The following DPP6 variants were observed in gnomAD, a reference collection of about 807,000 sequenced individuals.
DPP6 encodes the protein dipeptidyl peptidase like 6.
In DPP6, 69 loss-of-function variants were observed where a neutral mutation model predicts 122.6. That is an observed-to-expected ratio of 0.56 (90% confidence interval 0.46 to 0.69). DPP6 has a LOEUF of 0.69. Among genes scored for constraint, DPP6 ranks in the 30% least tolerant of loss-of-function variants. The probability of loss-of-function intolerance (pLI) is 0.00; values close to 1 mark genes in which losing one functional copy is unlikely to be tolerated. For missense variants in DPP6, 928 were observed against 1,116.9 expected, an observed-to-expected ratio of 0.83 and a Z score of 2.41; for synonymous variants, 418 against 433.1, an observed-to-expected ratio of 0.97 and a Z score of 0.43.
upstream of DPP6, among the ~76,000 whole-genome samples, chr7:153,885,684 G>C (rs1194067933): frequency 2.0e-5 from 3 of 152,090 alleles, no homozygotes; most frequent in East Asian, 5.8e-4. Context: ...CAACAGAGAA[G>C]AGTGCTTCTA....
At chr7:154,636,857 T>C (rs1182257138) in intron 5 of DPP6, among the ~76,000 whole-genome samples, 3 of 152,224 alleles carry the variant, frequency 2.0e-5, no homozygotes, top group Non-Finnish European at 4.4e-5. Flanking sequence ...TGCCTTTGCC[T>C]CCACGTCCCT....
At chr7:154,316,224 A>G (rs1216296597) in intron 1 of DPP6, among the ~76,000 whole-genome samples, 1 of 151,692 alleles carries the variant, frequency 6.6e-6, no homozygotes, top group Non-Finnish European at 1.5e-5. Context: ...CTTTCCCAAC[A>G]CTCCACCCTC....
At chr7:154,325,184 A>G (rs1011600291) in intron 1 of DPP6, among the ~76,000 whole-genome samples, 1 of 152,058 alleles carries the variant, frequency 6.6e-6, no homozygotes, top group Non-Finnish European at 1.5e-5. Flanking sequence ...TCCATTTTCT[A>G]TAGGAAATGA....
the DPP6 span, among the ~76,000 whole-genome samples, chr7:153,867,126 A>G: frequency 6.6e-6 from 1 of 152,138 alleles, no homozygotes; most frequent in Non-Finnish European, 1.5e-5. Flanking sequence ...TTGACTTGGC[A>G]ATGCGGGCTC....
chr7:154,660,414 A>G (rs74517532), intron 6 of DPP6, among the ~76,000 whole-genome samples: 6 of 142,790 alleles, frequency 4.2e-5, no homozygotes, highest in East Asian at 2.1e-4. Flanking sequence ...TAGTGTTCAT[A>G]TAGTCATGGT....
intron 1 of DPP6, among the ~76,000 whole-genome samples, chr7:154,150,231 T>C (rs1006349685): frequency 3.3e-5 from 5 of 152,184 alleles, no homozygotes; most frequent in African/African-American, 1.2e-4. Flanking sequence ...AAACAGGAAA[T>C]AAACAGAACT....
chr7:153,857,135 T>G, the DPP6 span, among the ~76,000 whole-genome samples: 1 of 152,164 alleles, frequency 6.6e-6, no homozygotes, highest in Admixed American at 6.5e-5. Flanking sequence ...CCTTTACAAG[T>G]GGAAATAACT....
intron 3 of DPP6, among the ~76,000 whole-genome samples, chr7:154,497,321 G>C (rs1824832212): frequency 6.6e-6 from 1 of 151,914 alleles, no homozygotes; most frequent in Admixed American, 6.6e-5. Context: ...AAAAGAACTA[G>C]GACAGGCTGG....
intron 1 of DPP6, among the ~76,000 whole-genome samples, chr7:154,073,255 C>T (rs1803255369): frequency 6.6e-6 from 1 of 152,228 alleles, no homozygotes; most frequent in Admixed American, 6.5e-5. Flanking sequence ...TTTCAGGCAC[C>T]GTCATGGCCT....
At chr7:154,754,762 G>T (rs542829986) in intron 8 of DPP6, among the ~76,000 whole-genome samples, 1 of 152,232 alleles carries the variant, frequency 6.6e-6, no homozygotes, top group Non-Finnish European at 1.5e-5. Context: ...TACAGGAAAT[G>T]TGGCACATAT....
At chr7:154,475,266 A>C in intron 3 of DPP6, 1 of 488,820 alleles carries the variant, frequency 2.0e-6, no homozygotes, top group Non-Finnish European at 3.8e-6. Flanking sequence ...CACAGCCTTC[A>C]CTTAATGAGA....
intron 1 of DPP6, among the ~76,000 whole-genome samples, chr7:154,391,601 C>A (rs1394558322): frequency 6.6e-6 from 1 of 152,192 alleles, no homozygotes; most frequent in African/African-American, 2.4e-5. Context: ...ATAACCCTCC[C>A]CTGTGGTTCC....
intron 15 of DPP6, among the ~76,000 whole-genome samples, chr7:154,805,737 C>T (rs1308638468): frequency 6.6e-6 from 1 of 152,138 alleles, no homozygotes; most frequent in Non-Finnish European, 1.5e-5. Flanking sequence ...TCTGCCCAGT[C>T]ACTGTTCTCA....
intron 1 of DPP6, among the ~76,000 whole-genome samples, chr7:154,159,293 C>T (rs1243635648): frequency 6.6e-6 from 1 of 152,170 alleles, no homozygotes; most frequent in Non-Finnish European, 1.5e-5. Context: ...ACCAAACCAG[C>T]CAGTGTTCTC....
intron 1 of DPP6, among the ~76,000 whole-genome samples, chr7:153,935,803 C>T (rs757158730): frequency 2.6e-5 from 4 of 152,152 alleles, no homozygotes; most frequent in Admixed American, 1.3e-4. Context: ...CAGTCAAAGT[C>T]GGCTTTACAA....
intron 1 of DPP6, among the ~76,000 whole-genome samples, chr7:154,392,872 T>TTGG (rs1249694735): frequency 6.6e-6 from 1 of 152,170 alleles, no homozygotes; most frequent in Non-Finnish European, 1.5e-5. Flanking sequence ...AAGGCATTGC[T>TTGG]TGGTGAGCAC....
chr7:154,040,903 G>A (rs1367718007), intron 1 of DPP6, among the ~76,000 whole-genome samples: 1 of 150,718 alleles, frequency 6.6e-6, no homozygotes, highest in Admixed American at 6.6e-5. Context: ...AGCAGCCTTG[G>A]TGGAGTGGGT....
the DPP6 span, among the ~76,000 whole-genome samples, chr7:153,780,445 A>G: frequency 6.6e-6 from 1 of 152,138 alleles, no homozygotes; most frequent in East Asian, 1.9e-4. Flanking sequence ...CTTGATATCA[A>G]CTTTATGAAA....
intron 7 of DPP6, among the ~76,000 whole-genome samples, chr7:154,695,815 C>T (rs910568629): frequency 2.0e-5 from 3 of 152,176 alleles, no homozygotes; most frequent in Non-Finnish European, 2.9e-5. Flanking sequence ...GAAATGAGTT[C>T]CTGCAGACAC....
Sources: gnomAD v4.1 joint callset for allele counts (sites outside exome capture counted in the v4.1 genomes callset) on GRCh38, gnomAD v4.1.1 for gene constraint, MANE v1.5 for transcripts, NCBI Gene and HGNC (gene_info 2026-07-23, HGNC 2026-07-21) for gene names.